DDX60L: variants seen among roughly 807,000 people sequenced by gnomAD.
DDX60L encodes the protein probable ATP-dependent RNA helicase DDX60-like.
DDX60L carries 191 observed loss-of-function variants against 211.6 expected under a neutral mutation model. That is an observed-to-expected ratio of 0.90 (90% confidence interval 0.80 to 1.02). DDX60L has a LOEUF of 1.02. Ranked by LOEUF, DDX60L falls within the 50% of genes least tolerant of loss-of-function variation. DDX60L has a pLI of 0.00. For synonymous variants in DDX60L, 706 were observed against 694.1 expected, an observed-to-expected ratio of 1.02 and a Z score of -0.27; for missense variants, 2,007 against 1,984.1, an observed-to-expected ratio of 1.01 and a Z score of -0.22.
At chr4:168,432,816 A>G (rs1752545278) in intron 11 of DDX60L, among the ~76,000 whole-genome samples, 194 bp downstream of exon 11, 1 of 151,126 alleles carries the variant, frequency 6.6e-6, no homozygotes, top group African/African-American at 2.4e-5. Flanking sequence ...AAAATAATAT[A>G]GATTTTTATA....
intron 4 of DDX60L, 94 bp downstream of exon 4, chr4:168,471,653 G>T: frequency 3.1e-6 from 3 of 976,402 alleles, no homozygotes; most frequent in South Asian, 2.4e-5. Context: ...TTTCTATGAT[G>T]ACATGCTTCA....
intron 30 of DDX60L, among the ~76,000 whole-genome samples, chr4:168,381,563 T>C (rs1458440509): frequency 7.3e-6 from 1 of 137,444 alleles, no homozygotes; most frequent in African/African-American, 2.6e-5. Flanking sequence ...GTTCTGAATA[T>C]GATAAACACT....
At chr4:168,433,611 A>G (rs963512605) in intron 10 of DDX60L, among the ~76,000 whole-genome samples, 1 of 152,194 alleles carries the variant, frequency 6.6e-6, no homozygotes, top group African/African-American at 2.4e-5. Context: ...TATGGTTTAC[A>G]TGCTGAATAT....
chr4:168,473,061 A>T (rs900567050), intron 1 of DDX60L, among the ~76,000 whole-genome samples: 1 of 152,234 alleles, frequency 6.6e-6, no homozygotes, highest in African/African-American at 2.4e-5. Flanking sequence ...TGCCCCCCAA[A>T]AAAAGCAATA....
intron 18 of DDX60L, 42 bp downstream of exon 18, chr4:168,420,219 C>A: frequency 6.9e-7 from 1 of 1,454,582 alleles, no homozygotes; most frequent in Non-Finnish European, 9.2e-7. Flanking sequence ...ATAAGTACTG[C>A]TCTATAATTT....
intron 12 of DDX60L, among the ~76,000 whole-genome samples, chr4:168,432,190 T>C (rs2149946734): frequency 6.6e-6 from 1 of 151,472 alleles, no homozygotes; most frequent in South Asian, 2.1e-4. Context: ...TGGGATTTTT[T>C]TCAGACAGCA....
At chr4:168,370,697 A>G (rs953477089) in intron 36 of DDX60L, among the ~76,000 whole-genome samples, 1 of 152,202 alleles carries the variant, frequency 6.6e-6, no homozygotes, top group African/African-American at 2.4e-5. Context: ...TGTATCCTAT[A>G]TATATGTGCA....
At chr4:168,397,970 T>C (rs1232116009) in intron 26 of DDX60L, among the ~76,000 whole-genome samples, 2 of 151,912 alleles carry the variant, frequency 1.3e-5, no homozygotes, top group African/African-American at 2.4e-5. Flanking sequence ...CCCGCCCTTA[T>C]GGGAATAGCT....
rs1751593755 is a variant in DDX60L, at chr4:168,427,188, T to A, written c.1812A>T (p.Gly604=). 1 of 1,612,850 alleles carries A rather than the reference T, an allele frequency of 6.2e-7. No individual in the cohort carries two copies. Among genetic ancestry groups the A allele is most frequent in the Middle Eastern group, 1.7e-4 (1 of 6,058 alleles). ...EEEMKNNLHS[G]IRKLEDYLTS... Reference sequence around the variant, plus strand: ...TCAAATAATCTTCCAATTTCCTTATTCCAGAATGTAAATTGTTCTTCATCT... The same window carrying A: ...TCAAATAATCTTCCAATTTCCTTATACCAGAATGTAAATTGTTCTTCATCT... Residue 604 remains glycine, a synonymous_variant, in exon 14 of 38, where the codon GGA becomes GGT. Coordinates refer to ENST00000682922, the MANE Select transcript of DDX60L (RefSeq NM_001012967.3).
intron 9 of DDX60L, among the ~76,000 whole-genome samples, chr4:168,443,148 A>G (rs1014931204): frequency 6.6e-6 from 1 of 151,600 alleles, no homozygotes; most frequent in Non-Finnish European, 1.5e-5. Context: ...AGACGAATGT[A>G]CAACTAGAAT....
intron 25 of DDX60L, among the ~76,000 whole-genome samples, chr4:168,402,088 A>C (rs184194360): frequency 3.9e-4 from 58 of 149,574 alleles, no homozygotes; most frequent in African/African-American, 1.3e-3. Flanking sequence ...TCAGGTTAAG[A>C]TTAGAACCCG....
Position 168,442,311 on chromosome 4 carries a change from C to T in DDX60L, c.1139-819G>A, listed in dbSNP as rs112856961. ...CTTTTGCGACGGGCTTAAAAAACGG[C>T]GCACCACGAGATTATATCCCGCACC... On this transcript the variant is annotated intron_variant, in intron 9 of 37. Coordinates refer to ENST00000682922, the MANE Select transcript of DDX60L (RefSeq NM_001012967.3). Among the ~76,000 whole-genome samples the T allele has an allele frequency of 3.2e-3, 488 of 152,214 alleles. 4 individuals carry two copies. The highest frequency in any genetic ancestry group is 0.011 in the African/African-American group (459 of 41,536).
At position 168,421,833 on chromosome 4, in the gene DDX60L, G is replaced by C. The variant is rs1561038259; in HGVS notation, c.2321C>G (p.Ala774Gly). Residue 774 changes from alanine to glycine, a missense_variant, in exon 17 of 38, where the codon GCT becomes GGT. Transcript: ENST00000682922. ...CACTTTCTCCATGCAGTAGTAGGAA[G>C]CATAGGTTTTGCCTGAGGACGTTGG... ...VAPTSSGKTY[A>G]SYYCMEKVLR... is the part of the protein sequence containing the mutation. 6.2e-7 allele frequency: 1 copy of C among 1,614,214 alleles called. No homozygotes were observed. Among genetic ancestry groups the C allele is most frequent in the Non-Finnish European group, 8.5e-7 (1 of 1,180,052 alleles).
At chr4:168,391,113 CA>C (rs897737420) in intron 29 of DDX60L, among the ~76,000 whole-genome samples, 5 of 151,968 alleles carry the variant, frequency 3.3e-5, no homozygotes, top group African/African-American at 1.2e-4. Flanking sequence ...ACAGGATTCC[CA>C]AAAGACCCAG....
chr4:168,388,900 A>C (rs1336518527), intron 29 of DDX60L, among the ~76,000 whole-genome samples: 1 of 152,142 alleles, frequency 6.6e-6, no homozygotes, highest in African/African-American at 2.4e-5. Context: ...ATACCAAGAG[A>C]CTGTGATAGC....
At chr4:168,408,912 G>C (rs1748206110) in intron 22 of DDX60L, among the ~76,000 whole-genome samples, 2 of 152,138 alleles carry the variant, frequency 1.3e-5, no homozygotes, top group African/African-American at 4.8e-5. Context: ...ATTTCCATGA[G>C]TGTTACAGAG....
chr4:168,385,599 C>T (rs1357440958), intron 29 of DDX60L, among the ~76,000 whole-genome samples: 1 of 152,068 alleles, frequency 6.6e-6, no homozygotes, highest in Non-Finnish European at 1.5e-5. Context: ...GTCTTGGGGA[C>T]TGAGCCCTCA....
At chr4:168,419,488 C>G (rs1021318) in intron 18 of DDX60L, 91 bp from the exon 19 acceptor site, 1 of 755,066 alleles carries the variant, frequency 1.3e-6, no homozygotes, top group Non-Finnish European at 2.0e-6. Context: ...TATGCTGCTG[C>G]TGATAGCAGT....
chr4:168,392,273 A>G (rs1411982950), intron 28 of DDX60L, among the ~76,000 whole-genome samples: 1 of 152,210 alleles, frequency 6.6e-6, no homozygotes, highest in Non-Finnish European at 1.5e-5. Flanking sequence ...CTTCTTATTT[A>G]CTCTCTTAAT....
Sources: gnomAD v4.1 joint callset for allele counts (sites outside exome capture counted in the v4.1 genomes callset) on GRCh38, gnomAD v4.1.1 for gene constraint, MANE v1.5 for transcripts, NCBI Gene and HGNC (gene_info 2026-07-23, HGNC 2026-07-21) for gene names.